Variants in HECW2 observed in about 807,000 individuals in gnomAD.
HECW2 encodes E3 ubiquitin-protein ligase HECW2.
HECW2 carries 61 observed loss-of-function variants against 175.2 expected under a neutral mutation model. The ratio of observed to expected loss-of-function variants is 0.35; its 90% CI spans 0.28 to 0.43. HECW2 has a LOEUF of 0.43. Among genes scored for constraint, HECW2 ranks in the 20% least tolerant of loss-of-function variants. HECW2 has a pLI of 1.00. For missense variants in HECW2, 1,524 were observed against 2,000.5 expected, an observed-to-expected ratio of 0.76 and a Z score of 4.54; for synonymous variants, 671 against 731.0, an observed-to-expected ratio of 0.92 and a Z score of 1.32.
At chr2:196,484,206 G>A (rs1415459796) in intron 1 of HECW2, among the ~76,000 whole-genome samples, 2 of 152,094 alleles carry the variant, frequency 1.3e-5, no homozygotes, top group African/African-American at 2.4e-5. Context: ...TATAGTGCCT[G>A]GTTCACAGTG....
intron 1 of HECW2, among the ~76,000 whole-genome samples, chr2:196,462,031 T>C (rs953369942): frequency 5.9e-5 from 9 of 152,162 alleles, no homozygotes; most frequent in African/African-American, 2.2e-4. Context: ...ACCTTTTCTG[T>C]ACTCATATAT....
At chr2:196,245,782 G>C (rs1182700300) in intron 19 of HECW2, among the ~76,000 whole-genome samples, 1 of 152,208 alleles carries the variant, frequency 6.6e-6, no homozygotes, top group East Asian at 1.9e-4. Flanking sequence ...CATAAAGCAA[G>C]TGAATAAACT....
intron 2 of HECW2, among the ~76,000 whole-genome samples, chr2:196,350,014 G>A (rs1693113386): frequency 6.6e-6 from 1 of 152,082 alleles, no homozygotes. Context: ...GATCCTCCAG[G>A]GCAACGAATG....
intron 2 of HECW2, among the ~76,000 whole-genome samples, chr2:196,350,739 T>C (rs1693141286): frequency 6.6e-6 from 1 of 152,228 alleles, no homozygotes; most frequent in Non-Finnish European, 1.5e-5. Context: ...CATAAGGAGC[T>C]GACGGGATAA....
intron 5 of HECW2, among the ~76,000 whole-genome samples, chr2:196,326,538 G>A (rs568426264): frequency 6.6e-6 from 1 of 151,854 alleles, no homozygotes; most frequent in Non-Finnish European, 1.5e-5. Context: ...CTGCCTCCTG[G>A]GTTCAGGTGA....
chr2:196,428,256 A>C (rs917535414), intron 2 of HECW2, among the ~76,000 whole-genome samples: 2 of 152,200 alleles, frequency 1.3e-5, no homozygotes, highest in Non-Finnish European at 2.9e-5. Flanking sequence ...CAGGCTTCTC[A>C]GGACACAACT....
intron 1 of HECW2, among the ~76,000 whole-genome samples, chr2:196,519,024 T>C (rs1208372393): frequency 6.6e-6 from 1 of 152,224 alleles, no homozygotes; most frequent in African/African-American, 2.4e-5. Context: ...AGAACTGGAA[T>C]TGTTTCAACT....
intron 18 of HECW2, 133 bp from the exon 19 acceptor site, chr2:196,254,162 G>A: frequency 2.9e-6 from 4 of 1,368,780 alleles, no homozygotes; most frequent in Non-Finnish European, 3.9e-6. Flanking sequence ...CCTTTCTCTT[G>A]CAGGTAATTC....
chr2:196,268,521 C>T (rs1463611073), intron 17 of HECW2, among the ~76,000 whole-genome samples: 1 of 152,206 alleles, frequency 6.6e-6, no homozygotes, highest in East Asian at 1.9e-4. Context: ...CAGCTTTTCC[C>T]TCTGTTAGGA....
At chr2:196,591,275 G>T (rs1486332543) in intron 1 of HECW2, among the ~76,000 whole-genome samples, 1 of 152,158 alleles carries the variant, frequency 6.6e-6, no homozygotes, top group Admixed American at 6.5e-5. Flanking sequence ...TGGGGATTTG[G>T]AAATCACCTG....
chr2:196,527,121 A>G (rs1688686073), intron 1 of HECW2, among the ~76,000 whole-genome samples: 2 of 152,240 alleles, frequency 1.3e-5, no homozygotes, highest in South Asian at 2.1e-4. Context: ...TGTGCTAGCA[A>G]TCAGCGAGAC....
chr2:196,585,476 T>C (rs1690941134), intron 1 of HECW2, among the ~76,000 whole-genome samples: 1 of 152,232 alleles, frequency 6.6e-6, no homozygotes, highest in African/African-American at 2.4e-5. Context: ...GGTTTACATT[T>C]AAATGCATGC....
intron 17 of HECW2, among the ~76,000 whole-genome samples, chr2:196,265,424 G>A (rs567568727): frequency 6.6e-6 from 1 of 152,250 alleles, no homozygotes; most frequent in African/African-American, 2.4e-5. Flanking sequence ...GGCAGAGGTT[G>A]CAGTGAGCCG....
chr2:196,414,766 C>A (rs1695208431), intron 2 of HECW2, among the ~76,000 whole-genome samples: 1 of 152,210 alleles, frequency 6.6e-6, no homozygotes, highest in Admixed American at 6.5e-5. Context: ...GGATCCCCCA[C>A]ACCTGGTCCA....
intron 14 of HECW2, among the ~76,000 whole-genome samples, chr2:196,285,568 G>A (rs1380852798): frequency 6.6e-6 from 1 of 152,144 alleles, no homozygotes; most frequent in Non-Finnish European, 1.5e-5. Context: ...TTTAAAGATT[G>A]TATTTACTTA....
At chr2:196,578,427 A>C (rs564370916) in intron 1 of HECW2, among the ~76,000 whole-genome samples, 10 of 152,292 alleles carry the variant, frequency 6.6e-5, no homozygotes, top group Non-Finnish European at 1.2e-4. Flanking sequence ...GAAAAGAGGA[A>C]AGAAATTGAA....
intron 2 of HECW2, among the ~76,000 whole-genome samples, chr2:196,403,147 A>G (rs1465014820): frequency 1.3e-5 from 2 of 152,056 alleles, no homozygotes; most frequent in African/African-American, 4.8e-5. Flanking sequence ...TCCACTGATG[A>G]CCAATTTTAA....
chr2:196,455,132 CAA>C (rs1272893655), intron 1 of HECW2, among the ~76,000 whole-genome samples: 5 of 151,588 alleles, frequency 3.3e-5, no homozygotes, highest in Non-Finnish European at 4.4e-5. Context: ...CTCCTGGGTT[CAA>C]GAGATTCTCC....
chr2:196,461,423 T>C (rs1696738620), intron 1 of HECW2, among the ~76,000 whole-genome samples: 1 of 152,166 alleles, frequency 6.6e-6, no homozygotes, highest in Non-Finnish European at 1.5e-5. Flanking sequence ...GAGTACAAAA[T>C]GGCACAAACA....
Sources: gnomAD v4.1 joint callset for allele counts (sites outside exome capture counted in the v4.1 genomes callset) on GRCh38, gnomAD v4.1.1 for gene constraint, MANE v1.5 for transcripts, NCBI Gene and HGNC (gene_info 2026-07-23, HGNC 2026-07-21) for gene names.